Variants in GABRA5 observed in about 807,000 individuals in gnomAD.
GABRA5 encodes gamma-aminobutyric acid type A receptor subunit alpha5, also known as gamma-aminobutyric acid receptor subunit alpha-5.
Under a neutral mutation model 47.3 loss-of-function variants are expected in GABRA5, and 18 were observed. The observed-to-expected ratio is 0.38, with a 90% confidence interval of 0.26 to 0.56. The LOEUF is 0.56. Among genes scored for constraint, GABRA5 ranks in the 20% least tolerant of loss-of-function variants. The pLI is 0.71. For missense variants in GABRA5, 365 were observed against 599.3 expected, an observed-to-expected ratio of 0.61 and a Z score of 4.08; for synonymous variants, 237 against 229.3, an observed-to-expected ratio of 1.03 and a Z score of -0.30.
chr15:26,911,371 G>GCACACACACACACACA (rs111798012), intron 6 of GABRA5, among the ~76,000 whole-genome samples: 48 of 118,406 alleles, frequency 4.1e-4, no homozygotes, highest in South Asian at 2.8e-3. Context: ...CTTGCTGCAT[G>GCACACACACACACACA]CACACACACA....
chr15:26,919,301 G>T (rs1893789187), intron 7 of GABRA5, among the ~76,000 whole-genome samples: 1 of 151,964 alleles, frequency 6.6e-6, no homozygotes, highest in Non-Finnish European at 1.5e-5. Flanking sequence ...GTTTCTATTT[G>T]TCTTTTATCT....
rs145325042 is a variant in GABRA5 at position 26,947,637 on chromosome 15, T to C, written c.1090-297T>C. ...TTGATGGGCATTTAGGTTGATTCCA[T>C]GTCTTTGCTATTGTGAATAGTGTTG... On this transcript the variant is annotated intron_variant, in intron 10 of 10. Coordinates refer to ENST00000335625, the MANE Select transcript of GABRA5 (RefSeq NM_000810.4). Among the ~76,000 whole-genome samples, 36 of 152,322 alleles carry C rather than the reference T, an allele frequency of 2.4e-4. 1 individual carries two copies. The highest frequency in any genetic ancestry group is 8.2e-4 in the African/African-American group (34 of 41,584).
intron 6 of GABRA5, among the ~76,000 whole-genome samples, chr15:26,885,249 A>G (rs1433311531): frequency 6.6e-6 from 1 of 151,482 alleles, no homozygotes; most frequent in Non-Finnish European, 1.5e-5. Flanking sequence ...CAGTGAGCCC[A>G]GATCGCACCA....
chr15:26,906,689 T>G (rs1281321251), intron 6 of GABRA5, among the ~76,000 whole-genome samples: 1 of 152,210 alleles, frequency 6.6e-6, no homozygotes, highest in Non-Finnish European at 1.5e-5. Context: ...GTTTCTCTTT[T>G]GTAGTATTTT....
At chr15:26,895,443 T>G (rs1157988577) in intron 6 of GABRA5, among the ~76,000 whole-genome samples, 1 of 152,068 alleles carries the variant, frequency 6.6e-6, no homozygotes, top group Non-Finnish European at 1.5e-5. Flanking sequence ...TCACTAACAG[T>G]GTGACTTGGG....
rs546859109 is a variant in GABRA5 at position 26,887,326 on chromosome 15, T to TTTTA, written c.497+3785_497+3788dup. ...GAACAAACTAGGTTTCCATGATGCC[T>TTTTA]TTTATTTATTTATTTATTTTTGAGA... On this transcript the variant is annotated intron_variant, in intron 6 of 10. Coordinates refer to ENST00000335625, the MANE Select transcript of GABRA5 (RefSeq NM_000810.4). Among the ~76,000 whole-genome samples the TTTTA allele has an allele frequency of 1.4e-4, 21 of 152,128 alleles. No homozygotes were observed. The South Asian group carries it at 2.9e-3, about 21-fold the overall frequency.
Position 26,870,277 on chromosome 15 carries a change from A to G in GABRA5, c.86+943A>G, listed in dbSNP as rs951889470. Among the ~76,000 whole-genome samples the G allele has an allele frequency of 1.6e-4, 24 of 152,178 alleles. 1 individual carries two copies. The highest frequency in any genetic ancestry group is 2.9e-4 in the Non-Finnish European group (20 of 68,030). On this transcript the variant is annotated intron_variant, in intron 3 of 10. Transcript: ENST00000335625. ...GGGGAAAGAAGACATCCCCAGGGCC[A>G]TGATGTTTTCTGTCTGTCCTCTGTA...
chr15:26,871,269 T>G (rs1231142194), intron 3 of GABRA5, among the ~76,000 whole-genome samples: 1 of 152,206 alleles, frequency 6.6e-6, no homozygotes, highest in East Asian at 1.9e-4. Flanking sequence ...TTGCATTGAA[T>G]AAGCATGAAA....
At chr15:26,879,200 C>T (rs554845300) in intron 3 of GABRA5, among the ~76,000 whole-genome samples, 6 of 152,292 alleles carry the variant, frequency 3.9e-5, no homozygotes, top group East Asian at 3.9e-4. Context: ...AGCACCTGGA[C>T]GTGGTCTAAA....
chr15:26,888,368 C>G (rs1409800806), intron 6 of GABRA5, among the ~76,000 whole-genome samples: 1 of 152,200 alleles, frequency 6.6e-6, no homozygotes, highest in Non-Finnish European at 1.5e-5. Flanking sequence ...GTTTACAGAA[C>G]CATGCCCAGA....
At chr15:26,898,948 T>C (rs1381654699) in intron 6 of GABRA5, among the ~76,000 whole-genome samples, 1 of 152,118 alleles carries the variant, frequency 6.6e-6, no homozygotes, top group African/African-American at 2.4e-5. Flanking sequence ...CATAGCTCAG[T>C]GTAGCCTGAA....
At chr15:26,934,277 A>G (rs1270240660) in intron 7 of GABRA5, among the ~76,000 whole-genome samples, 1 of 151,486 alleles carries the variant, frequency 6.6e-6, no homozygotes, top group Non-Finnish European at 1.5e-5. Flanking sequence ...AGAAAGAAAG[A>G]AAAAAAAGGA....
intron 7 of GABRA5, among the ~76,000 whole-genome samples, chr15:26,920,715 T>C (rs1279463890): frequency 6.6e-6 from 1 of 152,198 alleles, no homozygotes; most frequent in African/African-American, 2.4e-5. Context: ...AAACTGGCAT[T>C]GTACAGGGAA....
intron 6 of GABRA5, among the ~76,000 whole-genome samples, chr15:26,899,389 C>T (rs547001664): frequency 4.6e-5 from 7 of 152,236 alleles, no homozygotes; most frequent in East Asian, 1.9e-4. Context: ...GCTCCCTGTG[C>T]GCTTGAGAAG....
intron 6 of GABRA5, among the ~76,000 whole-genome samples, chr15:26,893,369 G>A (rs377619815): frequency 0.02 from 19 of 944 alleles, no homozygotes; most frequent in East Asian, 0.11. Flanking sequence ...GGTGTGTAGC[G>A]TGTGGCGGGA....
chr15:26,895,562 C>T (rs1355909648), intron 6 of GABRA5, among the ~76,000 whole-genome samples: 2 of 151,926 alleles, frequency 1.3e-5, no homozygotes, highest in Non-Finnish European at 2.9e-5. Flanking sequence ...CCTGTAATCC[C>T]AGCACTTTGG....
chr15:26,893,178 G>A (rs1361785588), intron 6 of GABRA5, among the ~76,000 whole-genome samples: 2 of 115,740 alleles, frequency 1.7e-5, no homozygotes, highest in South Asian at 5.7e-4. Context: ...TGTATGTGGT[G>A]TGTGGTGTGT....
At chr15:26,946,432 TG>T (rs1436731871) in intron 10 of GABRA5, among the ~76,000 whole-genome samples, 16 of 57,794 alleles carry the variant, frequency 2.8e-4, no homozygotes, top group Non-Finnish European at 5.9e-4. Flanking sequence ...TCAATTTATC[TG>T]TTTTTTTTTT....
chr15:26,891,973 G>A (rs1215600747), intron 6 of GABRA5, among the ~76,000 whole-genome samples: 2 of 152,214 alleles, frequency 1.3e-5, no homozygotes, highest in Admixed American at 1.3e-4. Context: ...AGAAACGTTG[G>A]CCAAGCGCAC....
Sources: gnomAD v4.1 joint callset for allele counts (sites outside exome capture counted in the v4.1 genomes callset) on GRCh38, gnomAD v4.1.1 for gene constraint, MANE v1.5 for transcripts, NCBI Gene and HGNC (gene_info 2026-07-23, HGNC 2026-07-21) for gene names.